The following CLPP variants were observed in gnomAD, a reference collection of about 807,000 sequenced individuals.
The protein encoded by CLPP is caseinolytic mitochondrial matrix peptidase proteolytic subunit.
Under a neutral mutation model 27.4 loss-of-function variants are expected in CLPP, and 14 were observed. The observed-to-expected ratio is 0.51, with a 90% CI of 0.34 to 0.80. CLPP has a LOEUF of 0.80. Ranked by LOEUF, CLPP falls within the 30% of genes least tolerant of loss-of-function variation. The probability of loss-of-function intolerance (pLI) is 0.02; values close to 1 mark genes in which losing one functional copy is unlikely to be tolerated. For missense variants in CLPP, 361 were observed against 403.6 expected, an observed-to-expected ratio of 0.89 and a Z score of 0.90; for synonymous variants, 193 against 166.6, an observed-to-expected ratio of 1.16 and a Z score of -1.22.
chr19:6,361,704 C>G lies in CLPP; in HGVS notation c.130C>G (p.Leu44Val). Residue 44 changes from leucine (L) to valine (V), a missense_variant, in exon 1 of 6, where the codon CTG becomes GTG. Physicochemically the swap from Leu to Val is conservative, Grantham distance 32. Transcript: ENST00000245816. ...GCGGACACTCCAGAACGGCCTGGCCCTGCAGCGGTGCCTGCACGCGACGGC... is the reference window on the plus strand; with the variant it reads ...GCGGACACTCCAGAACGGCCTGGCCGTGCAGCGGTGCCTGCACGCGACGGC... Reference protein sequence around the residue: ...PQRTLQNGLALQRCLHATATR... With the variant: ...PQRTLQNGLAVQRCLHATATR... The G allele has an allele frequency of 6.6e-7, 1 of 1,503,810 alleles. No homozygotes were observed. Among genetic ancestry groups the G allele is most frequent in the Non-Finnish European group, 8.9e-7 (1 of 1,129,264 alleles). The allele number at this position is 1,503,810 out of a possible 1,614,324, so 93.2% of individuals were successfully genotyped here. A position where few individuals can be genotyped will look rare whatever the true frequency, so the allele number is the denominator to read the frequency against.
chr19:6,361,555 C>T lies in CLPP; in HGVS notation c.-20C>T, dbSNP rs761819593. On this transcript the variant is annotated 5_prime_UTR_variant, in exon 1 of 6. Transcript: ENST00000245816. ...TGTAGTTCCGCCATCGGACGGAAGC[C>T]GACCGGGGCGTGCGGAGGGATGTGG... is the stretch of plus-strand genomic sequence containing the variant. 9.4e-6 allele frequency: 13 copies of T among 1,389,394 alleles called. No individual in the cohort carries two copies. Among genetic ancestry groups the T allele is most frequent in the Non-Finnish European group, 1.1e-5 (12 of 1,067,716 alleles). The allele number at this position is 1,389,394 out of a possible 1,614,324, so 86.1% of individuals were successfully genotyped here. A position where few individuals can be genotyped will look rare whatever the true frequency, so the allele number is the denominator to read the frequency against.
intron 5 of CLPP, among the ~76,000 whole-genome samples, chr19:6,366,755 C>T (rs1053583836): frequency 6.6e-6 from 1 of 151,994 alleles, no homozygotes; most frequent in Non-Finnish European, 1.5e-5. Context: ...TCTCCTGCCT[C>T]AGCCTCCTCA....
chr19:6,366,883 A>G (rs1194190666), intron 5 of CLPP, among the ~76,000 whole-genome samples: 3 of 151,740 alleles, frequency 2.0e-5, no homozygotes, highest in South Asian at 2.1e-4. Context: ...CAGCTGCCTC[A>G]GCCTCCCAAA....
intron 5 of CLPP, 80 bp downstream of exon 5, chr19:6,366,443 GC>G (rs1427469617): frequency 8.2e-6 from 9 of 1,094,696 alleles, no homozygotes; most frequent in Non-Finnish European, 1.1e-5. Flanking sequence ...TCTCCACCTG[GC>G]CCCTGCGGAC....
rs139755337 is a variant in CLPP at position 6,369,639 on chromosome 19, C to G, written c.*929C>G. Reference sequence around the variant, plus strand: ...GGCATGTGAGGACCTATGAGGAGGCCCGTGGCTGAGGGAAGGTGGAAGAGA... The same window carrying G: ...GGCATGTGAGGACCTATGAGGAGGCGCGTGGCTGAGGGAAGGTGGAAGAGA... On this transcript the variant is annotated 3_prime_UTR_variant, in exon 6 of 6. Coordinates refer to ENST00000245816, the MANE Select transcript of CLPP (RefSeq NM_006012.4). 2.4e-4 allele frequency among the ~76,000 whole-genome samples: 36 copies of G among 151,982 alleles called. No homozygotes were observed. The highest frequency in any genetic ancestry group is 8.2e-4 in the African/African-American group (34 of 41,458).
In CLPP at chr19:6,367,219, A is replaced by C. The variant is rs572185301; in HGVS notation, c.661+856A>C. 7.0e-4 allele frequency among the ~76,000 whole-genome samples: 106 copies of C among 152,068 alleles called. 4 individuals carry two copies. Among genetic ancestry groups the C allele is most frequent in the South Asian group, 5.6e-3 (27 of 4,812 alleles). ...GTGAAACCCCGTCTCTACCAAAAAT[A>C]CAAAAACTAGCCAGGTGTGTTGGCA... is the stretch of plus-strand genomic sequence containing the variant. On this transcript the variant is annotated intron_variant, in intron 5 of 5. Coordinates refer to ENST00000245816, the MANE Select transcript of CLPP (RefSeq NM_006012.4).
rs1032827300 is a variant in CLPP at position 6,370,191 on chromosome 19, T to C, written c.*1481T>C. ...ATATTATACCTGATGTTTTGATATG[T>C]CCCTCGACATCAGGGTCAAGAGGTT... is the stretch of plus-strand genomic sequence containing the variant. On this transcript the variant is annotated 3_prime_UTR_variant, in exon 6 of 6. Transcript: ENST00000245816. Among the ~76,000 whole-genome samples the C allele has an allele frequency of 2.6e-5, 4 of 152,184 alleles. No individual in the cohort carries two copies. The highest frequency in any genetic ancestry group is 5.9e-5 in the Non-Finnish European group (4 of 68,034).
chr19:6,366,667 C>T (rs911097892), intron 5 of CLPP, among the ~76,000 whole-genome samples: 1 of 152,038 alleles, frequency 6.6e-6, no homozygotes, highest in South Asian at 2.1e-4. Context: ...GAGACAAGGT[C>T]TGGCTCTGTC....
At chr19:6,368,222 T>G (rs1272896267) in intron 5 of CLPP, among the ~76,000 whole-genome samples, 2 of 152,034 alleles carry the variant, frequency 1.3e-5, no homozygotes, top group African/African-American at 4.8e-5. Context: ...GCCAGCTGAT[T>G]CGGTTCTTGG....
intron 3 of CLPP, 150 bp downstream of exon 3, chr19:6,362,692 G>A: frequency 1.6e-6 from 1 of 622,724 alleles, no homozygotes; most frequent in Non-Finnish European, 2.9e-6. Flanking sequence ...ACCAAAAGGT[G>A]CCTGTTGCTG....
At chr19:6,365,983 A>G (rs1389126903) in intron 4 of CLPP, among the ~76,000 whole-genome samples, 8 of 152,084 alleles carry the variant, frequency 5.3e-5, no homozygotes, top group Non-Finnish European at 1.2e-4. Context: ...AACAAAAAAA[A>G]GGCTTAGCTA....
intron 5 of CLPP, among the ~76,000 whole-genome samples, chr19:6,366,868 T>G (rs998482213): frequency 6.6e-6 from 1 of 151,758 alleles, no homozygotes; most frequent in African/African-American, 2.4e-5. Context: ...TGAGCTCAAG[T>G]GATCCAGCTG....
Position 6,368,942 on chromosome 19 carries a change from G to A in CLPP, c.*232G>A. 1 of 558,936 alleles carries A rather than the reference G, an allele frequency of 1.8e-6. No individual in the cohort carries two copies. The highest frequency in any genetic ancestry group is 3.2e-6 in the Non-Finnish European group (1 of 312,990). 34.6% of individuals were successfully genotyped at this position (558,936 alleles called of 1,614,324 possible). On this transcript the variant is annotated 3_prime_UTR_variant, in exon 6 of 6. Transcript: ENST00000245816. ...ACACCCTCCCTTCTGCACCATGACA[G>A]CGTGTACACATCTGTGTTTCACAGG...
In CLPP at chr19:6,368,863, C is replaced by G. The variant is rs1049343; in HGVS notation, c.*153C>G. 0.07 allele frequency: 44,880 copies of G among 641,438 alleles called. 9,529 individuals carry two copies. Among genetic ancestry groups the G allele is most frequent in the African/African-American group, 0.58 (31,407 of 54,544 alleles). The allele number at this position is 641,438 out of a possible 1,614,324, so 39.7% of individuals were successfully genotyped here. The stretch of plus-strand genomic sequence containing the variant: ...GCCCGCTATGGACGGGGCATTCCAG[C>G]TGAGACACTGTGATTTTAAATTAAA... On this transcript the variant is annotated 3_prime_UTR_variant, in exon 6 of 6. Transcript: ENST00000245816.
intron 5 of CLPP, among the ~76,000 whole-genome samples, chr19:6,367,711 A>T (rs2091869413): frequency 1.4e-5 from 2 of 147,494 alleles, no homozygotes; most frequent in African/African-American, 5.3e-5. Flanking sequence ...TATATTATAC[A>T]TCAATAACAA....
chr19:6,362,565 GCCAGGGGCACTCGTCAGGGCA>G, intron 3 of CLPP, 23 bp downstream of exon 3: 1 of 1,541,628 alleles, frequency 6.5e-7, no homozygotes, highest in Non-Finnish European at 9.0e-7. Flanking sequence ...TTTCCTGGGT[GCCAGGGGCACTCGTCAGGGCA>G]CACGGGTGAC....
At chr19:6,366,637 T>TTTTG (rs1016978066) in intron 5 of CLPP, among the ~76,000 whole-genome samples, 2 of 152,018 alleles carry the variant, frequency 1.3e-5, no homozygotes, top group South Asian at 4.1e-4. Flanking sequence ...GAGCTAATTT[T>TTTTG]TTTGTTTGTT....
intron 5 of CLPP, among the ~76,000 whole-genome samples, chr19:6,368,166 A>T (rs1313088594): frequency 1.3e-5 from 2 of 152,178 alleles, no homozygotes; most frequent in Non-Finnish European, 2.9e-5. Flanking sequence ...CTCAACAGAG[A>T]TTTATGTCTC....
At chr19:6,364,731 G>GTTTT in intron 4 of CLPP, 92 bp downstream of exon 4, 2 of 868,002 alleles carry the variant, frequency 2.3e-6, no homozygotes, top group East Asian at 3.0e-5. Flanking sequence ...GGGAGGGGAT[G>GTTTT]TTTTTTTTTT....
Sources: allele counts gnomAD v4.1 joint callset (sites outside exome capture counted in the v4.1 genomes callset), GRCh38; gene constraint gnomAD v4.1.1; transcripts MANE v1.5; gene names NCBI Gene and HGNC (gene_info 2026-07-23, HGNC 2026-07-21).